Variants in SATL1 observed in about 807,000 individuals in gnomAD.
SATL1 encodes spermidine/spermine N1-acetyl transferase like 1.
In SATL1, 47 loss-of-function variants were observed where a neutral mutation model predicts 51.8. That is an observed-to-expected ratio of 0.91 (90% CI 0.72 to 1.16). The LOEUF is 1.16. SATL1 is among the 50% of genes most tolerant of loss of function. The pLI is 0.00. For synonymous variants in SATL1, 176 were observed against 182.4 expected (o/e 0.97, Z 0.28); for missense variants, 520 against 526.4 (o/e 0.99, Z 0.12).
intron 2 of SATL1, among the ~76,000 whole-genome samples, chrX:85,215,431 T>C: frequency 8.9e-6 from 1 of 112,287 alleles, no homozygotes; most frequent in African/African-American, 3.2e-5. Context: ...TCTTTTCTTC[T>C]CTATCACATG....
chrX:85,191,431 T>G (rs1927435823), intron 2 of SATL1, among the ~76,000 whole-genome samples: 1 of 111,252 alleles, frequency 9.0e-6, no homozygotes, highest in African/African-American at 3.3e-5. Flanking sequence ...TTCTTTGTGA[T>G]GAGAACATTC....
At chrX:85,177,594 A>G (rs1927108667) in intron 2 of SATL1, among the ~76,000 whole-genome samples, 1 of 111,438 alleles carries the variant, frequency 9.0e-6, no homozygotes, top group Non-Finnish European at 1.9e-5. Context: ...AACACATCTC[A>G]CTGTGCAACT....
chrX:85,231,364 G>A (rs1928378390), intron 1 of SATL1, among the ~76,000 whole-genome samples: 1 of 111,763 alleles, frequency 8.9e-6, no homozygotes, highest in Non-Finnish European at 1.9e-5. Flanking sequence ...CTCAAACTCA[G>A]TGGGAGGTGG....
At chrX:85,202,764 G>A (rs1246091292) in intron 2 of SATL1, among the ~76,000 whole-genome samples, 2 of 111,874 alleles carry the variant, frequency 1.8e-5, no homozygotes, top group African/African-American at 3.3e-5. Flanking sequence ...GAGGGTATGC[G>A]GGGCCTAAGG....
intron 2 of SATL1, among the ~76,000 whole-genome samples, chrX:85,176,686 A>G (rs1383941946): frequency 9.0e-6 from 1 of 111,408 alleles, no homozygotes; most frequent in Non-Finnish European, 1.9e-5. Flanking sequence ...ATTTATATAA[A>G]TAAATTCTAC....
intron 1 of SATL1, among the ~76,000 whole-genome samples, chrX:85,228,881 C>T (rs934135577): frequency 6.3e-5 from 7 of 111,314 alleles, no homozygotes; most frequent in African/African-American, 2.0e-4. Context: ...TATTTCAATC[C>T]TGGACTTCTC....
chrX:85,234,456 A>T (rs778983179), intron 1 of SATL1, among the ~76,000 whole-genome samples: 172 of 112,327 alleles, frequency 1.5e-3, no homozygotes, highest in Middle Eastern at 9.2e-3. Context: ...AAATAGAAAG[A>T]CTAAAAGATA....
intron 2 of SATL1, among the ~76,000 whole-genome samples, chrX:85,126,494 G>A (rs67851605): frequency 0.055 from 6,078 of 110,881 alleles, 177 homozygotes; most frequent in South Asian, 0.22. Context: ...AAATCAAATT[G>A]AAATTAGACA....
intron 4 of SATL1, among the ~76,000 whole-genome samples, chrX:85,095,736 G>A (rs1924692299): frequency 9.9e-6 from 1 of 100,788 alleles, no homozygotes; most frequent in African/African-American, 3.7e-5. Flanking sequence ...TGAGGCAGGA[G>A]AATGGCGTGA....
At chrX:85,193,368 G>A (rs1343109799) in intron 2 of SATL1, among the ~76,000 whole-genome samples, 1 of 111,365 alleles carries the variant, frequency 9.0e-6, no homozygotes, top group African/African-American at 3.3e-5. Context: ...CTACCCAGGC[G>A]AAGAAGAAGG....
chrX:85,175,973 G>C (rs964798567), intron 2 of SATL1, among the ~76,000 whole-genome samples: 2 of 111,657 alleles, frequency 1.8e-5, no homozygotes, highest in African/African-American at 3.2e-5. Flanking sequence ...AGAGAGCAAA[G>C]ATGGAGATTA....
In SATL1 at chrX:85,107,540, C is replaced by A; in HGVS notation, c.1429G>T (p.Gly477Cys). The A allele has an allele frequency of 2.5e-6, 3 of 1,210,416 alleles. No homozygotes were observed. The highest frequency in any genetic ancestry group is 3.4e-6 in the Non-Finnish European group (3 of 894,983). ...NQTGMSHPGRGQPGIWEPGPS... is the reference protein window; with the variant it reads ...NQTGMSHPGRCQPGIWEPGPS... The stretch of plus-strand genomic sequence containing the variant: ...CCCGGTTCCCATATGCCTGGTTGGC[C>A]CCTGCCTGGATGGCTCATGCCTGTT... The change falls in exon 3 of 8, where the codon GGC becomes TGC. Residue 477 changes from glycine (G) to cysteine (C), a missense_variant. Physicochemically the swap from Gly to Cys is radical, Grantham distance 159. Transcript: ENST00000644105.
chrX:85,184,325 T>A (rs1393406504), intron 2 of SATL1, among the ~76,000 whole-genome samples: 1 of 111,620 alleles, frequency 9.0e-6, no homozygotes, highest in Admixed American at 9.5e-5. Context: ...GAGTTAAATC[T>A]TGGTATGCTA....
At position 85,203,210 on chromosome X, in the gene SATL1, G is replaced by A. The variant is rs747811347; in HGVS notation, c.-313+20995C>T. Among the ~76,000 whole-genome samples the A allele has an allele frequency of 3.6e-5, 4 of 111,862 alleles. No homozygotes were observed. The East Asian group carries it at 8.5e-4, about 24-fold the overall frequency. On this transcript the variant is annotated intron_variant, in intron 2 of 7. Coordinates refer to ENST00000644105, the MANE Select transcript of SATL1 (RefSeq NM_001367857.2). ...CCCTGTGGGAGCTTTGTCCCAGGGA[G>A]GTATGGACCTGTTGCTGGACCAAAG...
chrX:85,173,182 T>A (rs1192765676), intron 2 of SATL1, among the ~76,000 whole-genome samples: 1 of 111,100 alleles, frequency 9.0e-6, no homozygotes, highest in Admixed American at 9.7e-5. Flanking sequence ...CTGTGAAAAC[T>A]CAAAATAATA....
At chrX:85,096,702 T>C (rs535173956) in intron 4 of SATL1, among the ~76,000 whole-genome samples, 3 of 110,470 alleles carry the variant, frequency 2.7e-5, no homozygotes, top group Admixed American at 9.7e-5. Flanking sequence ...TGCTTTCCCA[T>C]CAGAAACCTT....
At chrX:85,166,337 C>T (rs1804472927) in intron 2 of SATL1, among the ~76,000 whole-genome samples, 1 of 111,957 alleles carries the variant, frequency 8.9e-6, no homozygotes, top group South Asian at 3.7e-4. Context: ...AGCAAACAGA[C>T]AACCAACAGA....
intron 2 of SATL1, among the ~76,000 whole-genome samples, chrX:85,144,119 T>C: frequency 8.9e-6 from 1 of 111,802 alleles, no homozygotes; most frequent in Non-Finnish European, 1.9e-5. Context: ...TTTGACATAG[T>C]AATTCTGGTG....
At chrX:85,179,920 A>AAC (rs1041635285) in intron 2 of SATL1, among the ~76,000 whole-genome samples, 6 of 109,356 alleles carry the variant, frequency 5.5e-5, no homozygotes, top group Non-Finnish European at 9.6e-5. Context: ...TTAAAAAAAA[A>AAC]ACACACACAC....
Sources: gnomAD v4.1 joint callset for allele counts (sites outside exome capture counted in the v4.1 genomes callset) on GRCh38, gnomAD v4.1.1 for gene constraint, MANE v1.5 for transcripts, NCBI Gene and HGNC (gene_info 2026-07-23, HGNC 2026-07-21) for gene names.